ZBTB20: variants seen among roughly 807,000 people sequenced by gnomAD.
The protein encoded by ZBTB20 is zinc finger and BTB domain containing 20.
Under a neutral mutation model 56.9 loss-of-function variants are expected in ZBTB20, and 9 were observed. The observed-to-expected ratio is 0.16, with a 90% CI of 0.10 to 0.28. The LOEUF is 0.28. Among genes scored for constraint, ZBTB20 ranks in the 10% least tolerant of loss-of-function variants. The pLI, the probability that ZBTB20 is intolerant of heterozygous loss-of-function variation, is 1.00. For synonymous variants in ZBTB20, 417 were observed against 420.7 expected (o/e 0.99, Z 0.11); for missense variants, 655 against 1,003.0 (o/e 0.65, Z 4.69).
At chr3:114,858,534 G>A (rs2075349956) in intron 4 of ZBTB20, among the ~76,000 whole-genome samples, 2 of 151,990 alleles carry the variant, frequency 1.3e-5, no homozygotes, top group Admixed American at 1.3e-4. Flanking sequence ...TCGTGTGTGT[G>A]TGTGTGTGTG....
At chr3:114,613,583 G>C (rs1281117850) in intron 6 of ZBTB20, among the ~76,000 whole-genome samples, 1 of 152,102 alleles carries the variant, frequency 6.6e-6, no homozygotes, top group African/African-American at 2.4e-5. Flanking sequence ...CACCAAAGAA[G>C]TGATCATATA....
rs1276301564 is a variant in ZBTB20 at position 114,961,458 on chromosome 3, AT to A, written c.-456+12907del. Among the ~76,000 whole-genome samples, 3 of 152,166 alleles carry A rather than the reference AT, an allele frequency of 2.0e-5. 1 individual carries two copies. Among genetic ancestry groups the A allele is most frequent in the Middle Eastern group, 6.3e-3 (2 of 316 alleles). ...AGCTCTGTAATCCAAGGAAAAATCA[AT>A]TATCTTAAAAGATGCCTTATGAGGT... is the stretch of plus-strand genomic sequence containing the variant. On this transcript the variant is annotated intron_variant, in intron 3 of 11. Coordinates refer to ENST00000675478, the MANE Select transcript of ZBTB20 (RefSeq NM_001348800.3).
rs115261064 is a variant in ZBTB20, at chr3:114,585,658, T to C, written c.-294-85267A>G. The stretch of plus-strand genomic sequence containing the variant: ...CCCCTGTACCACTATACCTAATCCC[T>C]AGGCAGGTGGTCTTTGTATGGGCCT... On this transcript the variant is annotated intron_variant, in intron 6 of 11. Coordinates refer to ENST00000675478, the MANE Select transcript of ZBTB20 (RefSeq NM_001348800.3). Among the ~76,000 whole-genome samples, 418 of 152,296 alleles carry C rather than the reference T, an allele frequency of 2.7e-3. 3 individuals carry two copies. Among genetic ancestry groups the C allele is most frequent in the African/African-American group, 9.3e-3 (387 of 41,558 alleles).
chr3:115,020,282 A>G (rs1457426114), intron 2 of ZBTB20, among the ~76,000 whole-genome samples: 1 of 151,178 alleles, frequency 6.6e-6, no homozygotes, highest in Non-Finnish European at 1.5e-5. Context: ...TGGTTATGCT[A>G]CACCTATAAA....
intron 4 of ZBTB20, among the ~76,000 whole-genome samples, chr3:114,894,546 C>T (rs988546174): frequency 6.6e-6 from 1 of 152,024 alleles, no homozygotes; most frequent in Admixed American, 6.6e-5. Context: ...AAGAGGTAAT[C>T]GAGTTAAAAT....
chr3:114,577,473 T>C (rs1404811131), intron 6 of ZBTB20, among the ~76,000 whole-genome samples: 1 of 152,064 alleles, frequency 6.6e-6, no homozygotes, highest in Non-Finnish European at 1.5e-5. Flanking sequence ...CCGTGAAATA[T>C]AAAATGTGAA....
chr3:115,030,285 A>G (rs1292680944), intron 2 of ZBTB20, among the ~76,000 whole-genome samples: 1 of 151,022 alleles, frequency 6.6e-6, no homozygotes, highest in Non-Finnish European at 1.5e-5. Flanking sequence ...CATTTCTGAC[A>G]TCCCTTTAGA....
intron 6 of ZBTB20, among the ~76,000 whole-genome samples, chr3:114,637,547 C>T (rs979634659): frequency 4.6e-5 from 7 of 152,002 alleles, no homozygotes; most frequent in South Asian, 4.1e-4. Context: ...TAGTGTTTCC[C>T]TTTATTTTGG....
At chr3:114,786,223 A>T (rs1203992785) in intron 5 of ZBTB20, among the ~76,000 whole-genome samples, 1 of 151,966 alleles carries the variant, frequency 6.6e-6, no homozygotes, top group Non-Finnish European at 1.5e-5. Flanking sequence ...TACACGTGCC[A>T]TGGTGGTTTG....
chr3:114,925,565 T>C (rs1191153182), intron 3 of ZBTB20, among the ~76,000 whole-genome samples: 1 of 152,122 alleles, frequency 6.6e-6, no homozygotes. Context: ...TCTTGCTCTG[T>C]TGCCAGGCTG....
intron 1 of ZBTB20, among the ~76,000 whole-genome samples, chr3:115,113,785 G>A (rs1442854808): frequency 6.6e-6 from 1 of 152,130 alleles, no homozygotes; most frequent in Non-Finnish European, 1.5e-5. Context: ...AGCAGCGGCA[G>A]CATAATACTT....
chr3:114,770,297 G>T (rs113964313), intron 5 of ZBTB20, among the ~76,000 whole-genome samples: 1 of 151,836 alleles, frequency 6.6e-6, no homozygotes, highest in African/African-American at 2.4e-5. Context: ...AAAATTAGCT[G>T]GGTTTGGTGG....
chr3:114,571,301 T>C (rs74366269), intron 6 of ZBTB20, among the ~76,000 whole-genome samples: 14,292 of 152,176 alleles, frequency 0.094, 802 homozygotes, highest in African/African-American at 0.14. Flanking sequence ...AGCAATTCTA[T>C]AAAAAACAAG....
chr3:115,122,775 A>C (rs1645944530), intron 1 of ZBTB20, among the ~76,000 whole-genome samples: 1 of 152,136 alleles, frequency 6.6e-6, no homozygotes, highest in Admixed American at 6.6e-5. Context: ...ACCCATTTTA[A>C]GAACCTCAGT....
chr3:114,918,332 G>C (rs766914014), intron 3 of ZBTB20, among the ~76,000 whole-genome samples: 1 of 151,998 alleles, frequency 6.6e-6, no homozygotes, highest in Non-Finnish European at 1.5e-5. Context: ...GGAACCCCAA[G>C]AGCCCACTTC....
At position 114,832,575 on chromosome 3, in the gene ZBTB20, C is replaced by T. The variant is rs562793702; in HGVS notation, c.-416-31401G>A. Among the ~76,000 whole-genome samples the T allele has an allele frequency of 6.6e-4, 101 of 152,126 alleles. 2 individuals carry two copies. The South Asian group carries it at 0.015, about 23-fold the overall frequency. Reference sequence around the variant, plus strand: ...AAAACTTTGATATTTTGTAATTAAGCACAATGCATTATTCTATAAATAAAA... The same window carrying T: ...AAAACTTTGATATTTTGTAATTAAGTACAATGCATTATTCTATAAATAAAA... On this transcript the variant is annotated intron_variant, in intron 4 of 11. Coordinates refer to ENST00000675478, the MANE Select transcript of ZBTB20 (RefSeq NM_001348800.3).
In ZBTB20 at chr3:115,128,116, C is replaced by T. The variant is rs528655281; in HGVS notation, c.-703+19103G>A. 3.3e-5 allele frequency among the ~76,000 whole-genome samples: 5 copies of T among 152,208 alleles called. No homozygotes were observed. In the East Asian group the frequency reaches 9.7e-4, roughly 29 times the overall value. On this transcript the variant is annotated intron_variant, in intron 1 of 11. Coordinates refer to ENST00000675478, the MANE Select transcript of ZBTB20 (RefSeq NM_001348800.3). ...CATATGCATCCAAGAATGCACGCAA[C>T]ATATATTAATAGGTCCTACTACTCG...
chr3:115,085,243 T>G (rs1444413235), intron 1 of ZBTB20, among the ~76,000 whole-genome samples: 1 of 151,990 alleles, frequency 6.6e-6, no homozygotes, highest in Non-Finnish European at 1.5e-5. Flanking sequence ...GTGAATTTGG[T>G]GCTCATGAAA....
rs869141975 is a variant in ZBTB20 at position 114,883,916 on chromosome 3, CT to C, written c.-417+16387del. On this transcript the variant is annotated intron_variant, in intron 4 of 11. Transcript: ENST00000675478. ...GTATAACTGGTAAGAATGGTGTGTT[CT>C]TTTTTTTTTTTTTTTTTTTTTTTTT... is the stretch of plus-strand genomic sequence containing the variant. 1.8e-4 allele frequency among the ~76,000 whole-genome samples: 16 copies of C among 89,830 alleles called. 3 individuals are homozygous for C. Among genetic ancestry groups the C allele is most frequent in the East Asian group, 7.8e-4 (2 of 2,552 alleles). The allele number at this position is 89,830 out of a possible 152,430, so 58.9% of individuals were successfully genotyped here.
Sources: gnomAD v4.1 joint callset for allele counts (sites outside exome capture counted in the v4.1 genomes callset) on GRCh38, gnomAD v4.1.1 for gene constraint, MANE v1.5 for transcripts, NCBI Gene and HGNC (gene_info 2026-07-23, HGNC 2026-07-21) for gene names.